RALY: variants seen among roughly 807,000 people sequenced by gnomAD.
RALY encodes the protein RNA-binding protein Raly.
In RALY, 15 loss-of-function variants were observed where a neutral mutation model predicts 30.7. The ratio of observed to expected loss-of-function variants is 0.49; its 90% CI spans 0.33 to 0.75. The LOEUF (loss-of-function observed/expected upper bound fraction) is 0.75. RALY is among the 30% of genes least tolerant of loss of function. RALY has a pLI of 0.02. For synonymous variants in RALY, 177 were observed against 170.8 expected (o/e 1.04, Z -0.28); for missense variants, 339 against 414.3 (o/e 0.82, Z 1.58).
At chr20:34,046,295 GT>G (rs1174490438) in intron 2 of RALY, among the ~76,000 whole-genome samples, 1 of 152,212 alleles carries the variant, frequency 6.6e-6, no homozygotes, top group African/African-American at 2.4e-5. Context: ...GTTGGATATA[GT>G]TGGATTTGAA....
At chr20:34,030,617 G>A (rs954133999) in intron 1 of RALY, among the ~76,000 whole-genome samples, 8 of 152,204 alleles carry the variant, frequency 5.3e-5, no homozygotes, top group African/African-American at 1.9e-4. Context: ...TTGTCCAGAA[G>A]ACCTGAGTTT....
At chr20:34,013,413 CA>C (rs34859292) in intron 1 of RALY, among the ~76,000 whole-genome samples, 35,663 of 83,156 alleles carry the variant, frequency 0.43, 4,775 homozygotes, top group South Asian at 0.65. Flanking sequence ...GACCTTGTCT[CA>C]AAAAAAAAAA....
Position 34,013,230 on chromosome 20 carries a change from AAAACAAAC to A in RALY, c.-92-18280_-92-18273del, listed in dbSNP as rs776083986. ...GCAACATAGACTTCATCTCTTTTTT[AAAACAAAC>A]AAACAAACAAAATAAAAAAAAAAAC... is the stretch of plus-strand genomic sequence containing the variant. On this transcript the variant is annotated intron_variant, in intron 1 of 9. Coordinates refer to ENST00000246194, the MANE Select transcript of RALY (RefSeq NM_016732.3). 2.6e-5 allele frequency among the ~76,000 whole-genome samples: 4 copies of A among 151,864 alleles called. No individual in the cohort carries two copies. In the South Asian group the frequency reaches 8.4e-4, roughly 32 times the overall value.
At chr20:34,068,621 G>A (rs554878398) in intron 2 of RALY, among the ~76,000 whole-genome samples, 2 of 152,318 alleles carry the variant, frequency 1.3e-5, no homozygotes, top group East Asian at 3.9e-4. Context: ...TGTACCATAT[G>A]TTTAAACATT....
intron 1 of RALY, among the ~76,000 whole-genome samples, chr20:34,024,778 C>A (rs1204984461): frequency 6.6e-6 from 1 of 151,850 alleles, no homozygotes; most frequent in Non-Finnish European, 1.5e-5. Context: ...TTTTTTTTAC[C>A]CCCACAGCAA....
chr20:34,019,542 C>G (rs1019019614), intron 1 of RALY, among the ~76,000 whole-genome samples: 2 of 152,158 alleles, frequency 1.3e-5, no homozygotes, highest in Non-Finnish European at 2.9e-5. Context: ...CACATTTCTG[C>G]TAGAACCGAA....
intron 9 of RALY, among the ~76,000 whole-genome samples, chr20:34,079,199 C>G (rs778562667): frequency 6.6e-6 from 1 of 152,168 alleles, no homozygotes; most frequent in Non-Finnish European, 1.5e-5. Context: ...CCTGCTTTCT[C>G]TGAGTTCATC....
At position 33,994,684 on chromosome 20, in the gene RALY, G is replaced by T. The variant is rs537645161; in HGVS notation, c.-93+553G>T. 3.9e-5 allele frequency among the ~76,000 whole-genome samples: 6 copies of T among 152,252 alleles called. No individual in the cohort carries two copies. In the South Asian group the frequency reaches 1.2e-3, roughly 32 times the overall value. Reference sequence around the variant, plus strand: ...AAACAACAACGGGCCCTCGAACTGGGGCCGTATCCGCGTTTCACTCAGCCT... The same window carrying T: ...AAACAACAACGGGCCCTCGAACTGGTGCCGTATCCGCGTTTCACTCAGCCT... On this transcript the variant is annotated intron_variant, in intron 1 of 9. Coordinates refer to ENST00000246194, the MANE Select transcript of RALY (RefSeq NM_016732.3).
intron 1 of RALY, among the ~76,000 whole-genome samples, chr20:34,001,949 A>G (rs937080022): frequency 1.4e-4 from 22 of 152,138 alleles, no homozygotes; most frequent in South Asian, 2.1e-4. Context: ...TTGTATTTTT[A>G]GTAGAGACGG....
chr20:34,014,526 AAAT>A (rs2123029756), intron 1 of RALY, among the ~76,000 whole-genome samples: 1 of 152,350 alleles, frequency 6.6e-6, no homozygotes, highest in Admixed American at 6.5e-5. Context: ...TTCCAAGGTG[AAAT>A]AATGCATTTA....
At chr20:34,077,531 A>G (rs552133485) in intron 8 of RALY, 41 of 557,440 alleles carry the variant, frequency 7.4e-5, no homozygotes, top group African/African-American at 7.2e-4. Flanking sequence ...AGATTCGGAC[A>G]TAAGGGAGCA....
At chr20:34,068,372 G>T (rs141515975) in intron 2 of RALY, among the ~76,000 whole-genome samples, 83 of 152,326 alleles carry the variant, frequency 5.4e-4, no homozygotes, top group African/African-American at 1.9e-3. Flanking sequence ...GAGGGATTGA[G>T]TTGGTCTGTG....
At chr20:34,074,789 C>T (rs1417051953) in intron 5 of RALY, among the ~76,000 whole-genome samples, 1 of 152,214 alleles carries the variant, frequency 6.6e-6, no homozygotes, top group Non-Finnish European at 1.5e-5. Flanking sequence ...GAGCCGTTCC[C>T]TCCCCTTGGG....
chr20:34,066,582 G>C (rs1167252848), intron 2 of RALY, among the ~76,000 whole-genome samples: 2 of 152,050 alleles, frequency 1.3e-5, no homozygotes, highest in African/African-American at 2.4e-5. Flanking sequence ...GTAGAGATGG[G>C]GTCTCATGAT....
intron 2 of RALY, among the ~76,000 whole-genome samples, chr20:34,045,324 A>G (rs1443986847): frequency 6.6e-6 from 1 of 152,234 alleles, no homozygotes; most frequent in African/African-American, 2.4e-5. Flanking sequence ...AAAAGTGGCC[A>G]GAGTAGACCT....
At chr20:34,039,989 T>TA (rs1344810539) in intron 2 of RALY, among the ~76,000 whole-genome samples, 3 of 152,030 alleles carry the variant, frequency 2.0e-5, no homozygotes, top group Non-Finnish European at 1.5e-5. Flanking sequence ...CGTGTGCCAG[T>TA]AATCCTAGCT....
chr20:34,076,184 C>G, intron 6 of RALY, 144 bp downstream of exon 6: 1 of 1,080,044 alleles, frequency 9.3e-7, no homozygotes, highest in Non-Finnish European at 1.3e-6. Flanking sequence ...TATTTTCATG[C>G]ATTTCTAAGA....
At chr20:34,070,341 A>C (rs976673216) in intron 2 of RALY, among the ~76,000 whole-genome samples, 1 of 152,146 alleles carries the variant, frequency 6.6e-6, no homozygotes, top group Non-Finnish European at 1.5e-5. Context: ...GGCTTTTCCT[A>C]CTGAAATTGA....
intron 2 of RALY, among the ~76,000 whole-genome samples, chr20:34,067,733 A>G (rs970500171): frequency 1.3e-5 from 2 of 151,920 alleles, no homozygotes; most frequent in African/African-American, 4.8e-5. Context: ...TTATGCAGCA[A>G]TTGTTTCTCC....
Sources: gnomAD v4.1 joint callset for allele counts (sites outside exome capture counted in the v4.1 genomes callset) on GRCh38, gnomAD v4.1.1 for gene constraint, MANE v1.5 for transcripts, NCBI Gene and HGNC (gene_info 2026-07-23, HGNC 2026-07-21) for gene names.